Variants in PRKD3 observed in about 807,000 individuals in gnomAD.
The protein encoded by PRKD3 is serine/threonine-protein kinase D3.
A neutral mutation model predicts 99.2 loss-of-function variants in PRKD3; 47 were observed. The observed-to-expected ratio is 0.47, with a 90% CI of 0.38 to 0.60. The LOEUF (loss-of-function observed/expected upper bound fraction) is 0.60, where lower values mean the gene tolerates loss of function less well. Among genes scored for constraint, PRKD3 ranks in the 20% least tolerant of loss-of-function variants. The probability of loss-of-function intolerance (pLI) is 0.00; values close to 1 mark genes in which losing one functional copy is unlikely to be tolerated. For synonymous variants in PRKD3, 392 were observed against 355.4 expected (o/e 1.10, Z -1.16); for missense variants, 1,019 against 1,088.4 (o/e 0.94, Z 0.90).
At position 37,260,370 on chromosome 2, in the gene PRKD3, A is replaced by G. The variant is rs752146671; in HGVS notation, c.1899T>C (p.Pro633=). Residue 633 remains proline (P), a synonymous_variant, in exon 15 of 19, where the codon CCT becomes CCC. Transcript: ENST00000234179. ...ACATACATTCCAGGTTTACAATCCC[A>G]GGATGGTGCAAATTCTGAAGAGAGG... ...EVAILQNLHH[P]GIVNLECMFE... 6.2e-7 allele frequency: 1 copy of G among 1,611,578 alleles called. No individual in the cohort carries two copies. The highest frequency in any genetic ancestry group is 2.2e-5 in the East Asian group (1 of 44,840).
intron 2 of PRKD3, among the ~76,000 whole-genome samples, chr2:37,307,626 G>A (rs1671221322): frequency 6.6e-6 from 1 of 152,162 alleles, no homozygotes; most frequent in Admixed American, 6.5e-5. Context: ...CATCTCTGAG[G>A]ATAAAAGATG....
At chr2:37,300,918 A>G (rs1349136377) in intron 2 of PRKD3, among the ~76,000 whole-genome samples, 1 of 152,220 alleles carries the variant, frequency 6.6e-6, no homozygotes, top group African/African-American at 2.4e-5. Flanking sequence ...TCTGCAAGTA[A>G]TATATTGAGT....
At chr2:37,287,228 C>G (rs1413291099) in intron 5 of PRKD3, among the ~76,000 whole-genome samples, 1 of 45,242 alleles carries the variant, frequency 2.2e-5, no homozygotes, top group African/African-American at 1.1e-4. Flanking sequence ...GAAACTCCAT[C>G]TCAAAAAAAA....
At chr2:37,254,019 TTTAA>T (rs1247157721) in intron 18 of PRKD3, among the ~76,000 whole-genome samples, 181 bp downstream of exon 18, 1 of 151,950 alleles carries the variant, frequency 6.6e-6, no homozygotes, top group East Asian at 1.9e-4. Flanking sequence ...TTCATGGGAG[TTTAA>T]TTGCCTGTCA....
intron 2 of PRKD3, among the ~76,000 whole-genome samples, chr2:37,304,340 A>T (rs889768712): frequency 6.6e-6 from 1 of 152,232 alleles, no homozygotes; most frequent in Non-Finnish European, 1.5e-5. Context: ...TCTGTTTCTA[A>T]ATACAGACAT....
intron 14 of PRKD3, among the ~76,000 whole-genome samples, chr2:37,262,959 G>A (rs952530303): frequency 2.0e-5 from 3 of 149,048 alleles, no homozygotes; most frequent in East Asian, 2.0e-4. Context: ...TGCTTAGGAT[G>A]GCCATTTTAT....
chr2:37,274,411 T>C lies in PRKD3; in HGVS notation c.1651+10A>G. ...GAGGAGAAAAAGCCATCAAGAAGTT[T>C]ATTGCTTACTGTGATCTTTCCCTTG... On this transcript the variant is annotated intron_variant, in intron 11 of 18. Transcript: ENST00000234179. 1.2e-6 allele frequency: 2 copies of C among 1,613,518 alleles called. No homozygotes were observed. Among genetic ancestry groups the C allele is most frequent in the Non-Finnish European group, 1.7e-6 (2 of 1,179,602 alleles).
At chr2:37,320,165 A>G (rs1012630609) in intron 1 of PRKD3, among the ~76,000 whole-genome samples, 1 of 152,206 alleles carries the variant, frequency 6.6e-6, no homozygotes, top group African/African-American at 2.4e-5. Flanking sequence ...AAAAGAAACA[A>G]GAATTTTAGA....
At position 37,286,188 on chromosome 2, in the gene PRKD3, A is replaced by G; in HGVS notation, c.899T>C (p.Met300Thr). Reference protein sequence around the residue: ...RLLKGLFRQGMQCKDCKFNCH... With the variant: ...RLLKGLFRQGTQCKDCKFNCH... ...ACACCTAATCCTACCTTTACACTGC[A>G]TTCCTTGGCGAAAGAGGCCTTTCAG... is the stretch of plus-strand genomic sequence containing the variant. The change falls in exon 6 of 19, where the codon ATG (methionine) becomes ACG (threonine). Residue 300 changes from methionine (M) to threonine (T), a missense_variant. Physicochemically the swap from Met to Thr is moderately conservative, Grantham distance 81. This residue lies in a region of PRKD3 where 710 missense variants were observed against 692.7 expected (regional missense o/e 1.02). Transcript: ENST00000234179. The G allele has an allele frequency of 6.2e-7, 1 of 1,612,726 alleles. No individual in the cohort carries two copies. The highest frequency in any genetic ancestry group is 8.5e-7 in the Non-Finnish European group (1 of 1,178,986).
At chr2:37,319,813 G>A (rs552474497) in intron 1 of PRKD3, among the ~76,000 whole-genome samples, 21 of 152,104 alleles carry the variant, frequency 1.4e-4, no homozygotes, top group African/African-American at 5.1e-4. Context: ...ATAAAAATGT[G>A]CTTAACAAAA....
At chr2:37,309,599 C>T (rs1671326503) in intron 2 of PRKD3, among the ~76,000 whole-genome samples, 1 of 152,098 alleles carries the variant, frequency 6.6e-6, no homozygotes, top group Non-Finnish European at 1.5e-5. Context: ...CCTGTAATCC[C>T]AGCACTTTGG....
intron 12 of PRKD3, among the ~76,000 whole-genome samples, chr2:37,271,682 C>T (rs574030726): frequency 4.6e-5 from 7 of 152,280 alleles, no homozygotes; most frequent in East Asian, 3.9e-4. Flanking sequence ...ACTGTGCATG[C>T]GAGGGATCTA....
chr2:37,308,699 C>A (rs1200266746), intron 2 of PRKD3, among the ~76,000 whole-genome samples: 2 of 152,202 alleles, frequency 1.3e-5, no homozygotes, highest in African/African-American at 4.8e-5. Flanking sequence ...AGGTGATCCA[C>A]CCACCTCAGC....
At chr2:37,286,154 T>A in intron 6 of PRKD3, 23 bp downstream of exon 6, 1 of 1,538,092 alleles carries the variant, frequency 6.5e-7, no homozygotes, top group Non-Finnish European at 8.8e-7. Flanking sequence ...TAAATTTTAA[T>A]TAGGGAAAAC....
intron 1 of PRKD3, among the ~76,000 whole-genome samples, chr2:37,317,566 C>T (rs973599468): frequency 2.0e-5 from 3 of 151,872 alleles, no homozygotes; most frequent in South Asian, 2.1e-4. Flanking sequence ...TACATGCCAC[C>T]CCACCACACA....
chr2:37,254,268 A>G lies in PRKD3; in HGVS notation c.2435T>C (p.Leu812Pro). 3 of 1,613,410 alleles carry G rather than the reference A, an allele frequency of 1.9e-6. No homozygotes were observed. The highest frequency in any genetic ancestry group is 2.5e-6 in the Non-Finnish European group (3 of 1,179,390). Residue 812 changes from leucine to proline, a missense_variant, in exon 18 of 19, where the codon CTG becomes CCG. Leu to Pro is a moderately conservative substitution (Grantham distance 98). This residue lies in a region of PRKD3 where 125 missense variants were observed against 120.6 expected (regional missense o/e 1.04). Transcript: ENST00000234179. ...SGEAIDLINNLLQVKMRKRYS... is the reference protein window; with the variant it reads ...SGEAIDLINNPLQVKMRKRYS... The stretch of plus-strand genomic sequence containing the variant: ...ACGTTTTCTCATCTTCACTTGAAGC[A>G]GATTGTTTATCAGATCAATTGCTAA...
chr2:37,277,616 T>C (rs1669640710), intron 9 of PRKD3, among the ~76,000 whole-genome samples: 1 of 152,230 alleles, frequency 6.6e-6, no homozygotes, highest in South Asian at 2.1e-4. Flanking sequence ...TTATTTTTTA[T>C]TGTGGAACAA....
chr2:37,292,841 C>G (rs573739478), intron 3 of PRKD3: 1 of 194,036 alleles, frequency 5.2e-6, no homozygotes, highest in African/African-American at 2.3e-5. Context: ...TTAGTAGAGA[C>G]GAGGTATGCT....
chr2:37,303,502 A>G (rs1671028614), intron 2 of PRKD3, among the ~76,000 whole-genome samples: 1 of 152,082 alleles, frequency 6.6e-6, no homozygotes, highest in African/African-American at 2.4e-5. Context: ...TTCAGGCACC[A>G]CAACCTAAGT....
Sources: gnomAD v4.1 joint callset for allele counts (sites outside exome capture counted in the v4.1 genomes callset) on GRCh38, gnomAD v4.1.1 for gene constraint, gnomAD v4.1.1 regional missense constraint, MANE v1.5 for transcripts, NCBI Gene and HGNC (gene_info 2026-07-23, HGNC 2026-07-21) for gene names.